Variants in ANO9 observed in about 807,000 individuals in gnomAD.
The protein encoded by ANO9 is anoctamin 9.
In ANO9, 80 loss-of-function variants were observed where a neutral mutation model predicts 100.5. The ratio of observed to expected loss-of-function variants is 0.80; its 90% CI spans 0.66 to 0.96. The LOEUF is 0.96. Ranked by LOEUF, ANO9 falls within the 40% of genes least tolerant of loss-of-function variation. ANO9 has a pLI of 0.00. For synonymous variants in ANO9, 473 were observed against 435.6 expected (o/e 1.09, Z -1.07); for missense variants, 1,064 against 1,072.7 (o/e 0.99, Z 0.11).
At chr11:435,403 A>G (rs1212262545) in intron 1 of ANO9, among the ~76,000 whole-genome samples, 1 of 152,050 alleles carries the variant, frequency 6.6e-6, no homozygotes. Context: ...GGTATAGTCT[A>G]GTATAGTCTA....
In ANO9 at chr11:433,341, G is replaced by A. The variant is rs948388602; in HGVS notation, c.323C>T (p.Ala108Val). The change falls in exon 4 of 23, where the codon GCG (alanine) becomes GTG (valine). Residue 108 changes from alanine (A) to valine (V), a missense_variant. Physicochemically the swap from Ala to Val is moderately conservative, Grantham distance 64 (BLOSUM62 0). Coordinates refer to ENST00000332826, the MANE Select transcript of ANO9 (RefSeq NM_001012302.3). Reference protein sequence around the residue: ...EGPAPHAELAAPTTIPVTTSL... With the variant: ...EGPAPHAELAVPTTIPVTTSL... ...CGTGGTGACCGGGATGGTGGTCGGC[G>A]CGGCCAGCTCGGCGTGGGGGGCAGG... The A allele has an allele frequency of 5.0e-6, 8 of 1,612,642 alleles. No homozygotes were observed. Among genetic ancestry groups the A allele is most frequent in the Middle Eastern group, 1.6e-4 (1 of 6,072 alleles).
chr11:420,277 G>A (rs1848092661), intron 19 of ANO9, 186 bp downstream of exon 19: 2 of 1,430,510 alleles, frequency 1.4e-6, no homozygotes, highest in African/African-American at 1.4e-5. Context: ...GCTCGGCCCC[G>A]CCCACTCCTG....
Position 428,662 on chromosome 11 carries a change from G to A in ANO9, c.1021-23C>T, listed in dbSNP as rs550779330. On this transcript the variant is annotated intron_variant, in intron 12 of 22. Coordinates refer to ENST00000332826, the MANE Select transcript of ANO9 (RefSeq NM_001012302.3). ...GATCTGCGGGACAGCTGTGGTGGGC[G>A]GGGGCCGGGGAGGGCATGCAGCCCG... is the stretch of plus-strand genomic sequence containing the variant. 2.6e-4 allele frequency: 423 copies of A among 1,611,592 alleles called. 1 individual carries two copies. The highest frequency in any genetic ancestry group is 3.4e-4 in the Non-Finnish European group (397 of 1,179,250).
Position 433,310 on chromosome 11 carries a change from T to G in ANO9, c.350+4A>C, listed in dbSNP as rs1387482531. The G allele has an allele frequency of 1.2e-6, 2 of 1,611,430 alleles. No homozygotes were observed. The highest frequency in any genetic ancestry group is 2.7e-5 in the African/African-American group (2 of 74,802). On this transcript the variant is annotated splice_donor_region_variant and intron_variant, in intron 4 of 22. Coordinates refer to ENST00000332826, the MANE Select transcript of ANO9 (RefSeq NM_001012302.3). Reference sequence around the variant, plus strand: ...TGGCCACGGCTCTGGGTGCAGCCTCTCACCTCGTGGTGACCGGGATGGTGG... The same window carrying G: ...TGGCCACGGCTCTGGGTGCAGCCTCGCACCTCGTGGTGACCGGGATGGTGG...
At chr11:420,909 TG>T (rs2133678784) in intron 17 of ANO9, 35 bp downstream of exon 17, 1 of 1,593,482 alleles carries the variant, frequency 6.3e-7, no homozygotes. Flanking sequence ...CGGAGGGGCC[TG>T]GGGCTCCCGG....
intron 9 of ANO9, 31 bp from the exon 10 acceptor site, chr11:429,849 G>A: frequency 1.3e-6 from 2 of 1,567,886 alleles, no homozygotes; most frequent in Non-Finnish European, 1.7e-6. Context: ...CCGGAGAGGA[G>A]GTGGGTGAGC....
intron 1 of ANO9, among the ~76,000 whole-genome samples, chr11:436,646 G>T (rs537253530): frequency 6.7e-6 from 1 of 148,844 alleles, no homozygotes; most frequent in East Asian, 2.0e-4. Context: ...TGAGCAGGAG[G>T]TGAGCAGGGG....
chr11:441,478 C>A (rs1171545688), intron 1 of ANO9, among the ~76,000 whole-genome samples: 2 of 152,110 alleles, frequency 1.3e-5, no homozygotes, highest in African/African-American at 4.8e-5. Flanking sequence ...AGCTCCCAAC[C>A]CTGGGGCAGC....
In ANO9 at chr11:418,177, T is replaced by C. The variant is rs1028350586; in HGVS notation, c.*194A>G. 8.0e-6 allele frequency: 5 copies of C among 624,464 alleles called. No homozygotes were observed. The highest frequency in any genetic ancestry group is 1.8e-5 in the African/African-American group (1 of 54,186). 38.7% of individuals were successfully genotyped at this position (624,464 alleles called of 1,614,324 possible). On this transcript the variant is annotated 3_prime_UTR_variant, in exon 23 of 23. Coordinates refer to ENST00000332826, the MANE Select transcript of ANO9 (RefSeq NM_001012302.3). Reference sequence around the variant, plus strand: ...GTTCAAGTCAGGGCTGTGCCAAGCCTGAGAGCCCCCACAAAGACGGAGCAG... The same window carrying C: ...GTTCAAGTCAGGGCTGTGCCAAGCCCGAGAGCCCCCACAAAGACGGAGCAG...
rs1849588972 is a variant in ANO9 at position 436,720 on chromosome 11, GGGGT to G, written c.7-2626_7-2623del. The stretch of plus-strand genomic sequence containing the variant: ...CAGGGGGTAAGCAGGGGGTGAGCAG[GGGGT>G]GAGCTGGGGGTGAGCAGGGGGTGAG... On this transcript the variant is annotated intron_variant, in intron 1 of 22. Coordinates refer to ENST00000332826, the MANE Select transcript of ANO9 (RefSeq NM_001012302.3). Among the ~76,000 whole-genome samples, 2 of 52,314 alleles carry G rather than the reference GGGGT, an allele frequency of 3.8e-5. 1 individual carries two copies. The highest frequency in any genetic ancestry group is 1.5e-4 in the African/African-American group (2 of 13,686). The allele number at this position is 52,314 out of a possible 152,430, so 34.3% of individuals were successfully genotyped here.
intron 15 of ANO9, among the ~76,000 whole-genome samples, chr11:426,571 T>G (rs1174580615): frequency 6.6e-6 from 1 of 151,998 alleles, no homozygotes; most frequent in Non-Finnish European, 1.5e-5. Flanking sequence ...AGATACTGTC[T>G]CTAAAAGTAA....
chr11:428,090 G>A lies in ANO9; in HGVS notation c.1332C>T (p.Gly444=). Residue 444 remains glycine (G), a splice_region_variant and synonymous_variant, in exon 15 of 23, where the codon GGC becomes GGT. Coordinates refer to ENST00000332826, the MANE Select transcript of ANO9 (RefSeq NM_001012302.3). ...AGGGAGCCTGGCGCCGGCCCTACCTGCCCAGGATGAAGGCGATGTAGATGA... is the reference window on the plus strand; with the variant it reads ...AGGGAGCCTGGCGCCGGCCCTACCTACCCAGGATGAAGGCGATGTAGATGA... ...SSLIYIAFIL[G]RINGHPGKST... is the part of the protein sequence containing the mutation. The A allele has an allele frequency of 1.2e-6, 2 of 1,607,690 alleles. No homozygotes were observed. Among genetic ancestry groups the A allele is most frequent in the Non-Finnish European group, 1.7e-6 (2 of 1,178,560 alleles).
chr11:419,523 G>A, intron 20 of ANO9, 59 bp downstream of exon 20: 2 of 1,592,554 alleles, frequency 1.3e-6, no homozygotes, highest in Non-Finnish European at 8.6e-7. Context: ...GATCCCCCAG[G>A]GCTTGGCTGT....
chr11:438,988 G>A (rs1245274751), intron 1 of ANO9, among the ~76,000 whole-genome samples: 2 of 152,170 alleles, frequency 1.3e-5, no homozygotes, highest in South Asian at 2.1e-4. Context: ...ACCCAGAGAG[G>A]GAGGCCGGCT....
chr11:427,037 A>G (rs865977240), intron 15 of ANO9, among the ~76,000 whole-genome samples: 4 of 152,198 alleles, frequency 2.6e-5, no homozygotes, highest in African/African-American at 9.7e-5. Flanking sequence ...TCCCACCAGG[A>G]GAGACGTGGC....
intron 7 of ANO9, 70 bp from the exon 8 acceptor site, chr11:430,473 G>A: frequency 4.0e-6 from 1 of 247,932 alleles, no homozygotes; most frequent in South Asian, 4.4e-5. Flanking sequence ...GGATGGGGGT[G>A]GGAGGGGGCA....
In ANO9 at chr11:431,842, C is replaced by T. The variant is rs769607304; in HGVS notation, c.465+6G>A. 8 of 1,611,164 alleles carry T rather than the reference C, an allele frequency of 5.0e-6. No homozygotes were observed. The South Asian group carries it at 5.5e-5, about 11-fold the overall frequency. On this transcript the variant is annotated splice_donor_region_variant and intron_variant, in intron 6 of 22. Coordinates refer to ENST00000332826, the MANE Select transcript of ANO9 (RefSeq NM_001012302.3). ...AGGGCCCTCTCCAGGCCAGCCCACC[C>T]CTCACCTTGTGCAGGGGGAACCTGG...
At position 430,136 on chromosome 11, in the gene ANO9, C is replaced by G. The variant is rs868731053; in HGVS notation, c.718G>C (p.Gly240Arg). Residue 240 changes from glycine (G) to arginine (R), a missense_variant, in exon 9 of 23, where the codon GGC becomes CGC. By Grantham distance (125) the Gly-to-Arg change is moderately radical. Transcript: ENST00000332826. ...CGCTGGTACCTGCGGCTGTGGTCGCCGAGGGGACACATGAGGATGTCGTGG... is the reference window on the plus strand; with the variant it reads ...CGCTGGTACCTGCGGCTGTGGTCGCGGAGGGGACACATGAGGATGTCGTGG... ...EAHDILMCPL[G>R]DHSRRYQRLS... 7 of 1,553,866 alleles carry G rather than the reference C, an allele frequency of 4.5e-6. No homozygotes were observed. The Admixed American group carries it at 9.6e-5, about 21-fold the overall frequency.
Position 432,019 on chromosome 11 carries a change from T to C in ANO9, c.386A>G (p.Asn129Ser). ...RIRIVNFVVM[N>S]NKTSAGETFE... Reference sequence around the variant, plus strand: ...CTTACCACCAGCCGAGGTCTTGTTGTTCATGACAACGAAGTTCACGATTCG... The same window carrying C: ...CTTACCACCAGCCGAGGTCTTGTTGCTCATGACAACGAAGTTCACGATTCG... Residue 129 changes from asparagine to serine, a missense_variant, in exon 5 of 23, where the codon AAC becomes AGC. Physicochemically the swap from Asn to Ser is conservative, Grantham distance 46. Transcript: ENST00000332826. This position sits in a 1 kb window ranked among gnomAD's most constrained non-coding sequence, Gnocchi z 4.8. 6.2e-7 allele frequency: 1 copy of C among 1,613,068 alleles called. No individual in the cohort carries two copies. Among genetic ancestry groups the C allele is most frequent in the South Asian group, 1.1e-5 (1 of 91,082 alleles).
Sources: gnomAD v4.1 joint callset for allele counts (sites outside exome capture counted in the v4.1 genomes callset) on GRCh38, gnomAD v4.1.1 for gene constraint, Gnocchi (gnomAD v3.1) non-coding constraint, MANE v1.5 for transcripts, NCBI Gene and HGNC (gene_info 2026-07-23, HGNC 2026-07-21) for gene names.